The following CCDC171 variants were observed in gnomAD, a reference collection of about 807,000 sequenced individuals.
CCDC171 encodes the protein coiled-coil domain-containing protein 171.
A neutral mutation model predicts 168.2 loss-of-function variants in CCDC171; 177 were observed. That is an observed-to-expected ratio of 1.05 (90% confidence interval 0.93 to 1.19). The LOEUF is 1.19. CCDC171 is among the 50% of genes most tolerant of loss of function. CCDC171 has a pLI of 0.00. For missense variants in CCDC171, 1,991 were observed against 1,539.0 expected (o/e 1.29, Z -4.91); for synonymous variants, 687 against 540.8 (o/e 1.27, Z -3.75).
At chr9:15,599,867 A>G (rs978042919) in intron 6 of CCDC171, among the ~76,000 whole-genome samples, 4 of 151,940 alleles carry the variant, frequency 2.6e-5, no homozygotes, top group Non-Finnish European at 4.4e-5. Context: ...TTTTTTCTCT[A>G]AACTTCTCTT....
intron 4 of CCDC171, among the ~76,000 whole-genome samples, chr9:15,580,778 G>A (rs1195127390): frequency 6.6e-6 from 1 of 152,106 alleles, no homozygotes; most frequent in Non-Finnish European, 1.5e-5. Flanking sequence ...TACACTGCTG[G>A]TGGGAATGTA....
intron 8 of CCDC171, among the ~76,000 whole-genome samples, chr9:15,663,448 C>T (rs749994512): frequency 6.6e-6 from 1 of 152,064 alleles, no homozygotes. Context: ...TCCCATTCCT[C>T]TACCCTCCTG....
intron 3 of CCDC171, among the ~76,000 whole-genome samples, chr9:15,983,131 A>C (rs146189312): frequency 8.0e-4 from 121 of 152,108 alleles, no homozygotes; most frequent in Non-Finnish European, 1.2e-3. Context: ...TTATCCTCCT[A>C]CTTTTTTGAT....
chr9:15,988,989 T>G (rs1429028589), intron 3 of CCDC171, among the ~76,000 whole-genome samples: 2 of 152,098 alleles, frequency 1.3e-5, no homozygotes, highest in Non-Finnish European at 2.9e-5. Flanking sequence ...CTCTGTAGAC[T>G]CCACCTCTGG....
intron 25 of CCDC171, among the ~76,000 whole-genome samples, chr9:15,970,735 G>C (rs10810511): frequency 6.6e-6 from 1 of 152,008 alleles, no homozygotes; most frequent in South Asian, 2.1e-4. Context: ...TCAAATATAT[G>C]ACAAATTATT....
intron 4 of CCDC171, among the ~76,000 whole-genome samples, chr9:15,583,572 A>T (rs1263713112): frequency 6.6e-6 from 1 of 152,182 alleles, no homozygotes; most frequent in Non-Finnish European, 1.5e-5. Flanking sequence ...AGTGGGAGCT[A>T]AGCTATGAGT....
At chr9:15,919,619 A>G (rs1396166232) in intron 24 of CCDC171, among the ~76,000 whole-genome samples, 3 of 151,680 alleles carry the variant, frequency 2.0e-5, no homozygotes, top group Non-Finnish European at 4.4e-5. Context: ...TCTATAAAAT[A>G]TGATTAAACT....
chr9:15,998,881 C>A (rs73645212), intron 3 of CCDC171, among the ~76,000 whole-genome samples: 142 of 152,270 alleles, frequency 9.3e-4, no homozygotes, highest in African/African-American at 3.3e-3. Context: ...TCTATCAGAA[C>A]AGGAAAGATG....
intron 7 of CCDC171, among the ~76,000 whole-genome samples, chr9:15,629,912 T>A (rs13298631): frequency 1.1e-4 from 16 of 152,118 alleles, no homozygotes; most frequent in South Asian, 8.3e-4. Flanking sequence ...CCAGAATTTC[T>A]TATCCAGCCA....
intron 6 of CCDC171, among the ~76,000 whole-genome samples, chr9:15,599,076 C>T (rs1045798730): frequency 4.6e-5 from 7 of 152,078 alleles, no homozygotes; most frequent in Non-Finnish European, 7.3e-5. Flanking sequence ...GAATACAGCA[C>T]GCTGATGGGC....
At chr9:16,030,232 T>A (rs1833344020) in intron 6 of CCDC171, among the ~76,000 whole-genome samples, 1 of 152,130 alleles carries the variant, frequency 6.6e-6, no homozygotes, top group Admixed American at 6.5e-5. Flanking sequence ...GACTGGTAAT[T>A]TCAGTTACTC....
intron 10 of CCDC171, among the ~76,000 whole-genome samples, chr9:15,683,550 C>A (rs1223311362): frequency 6.6e-6 from 1 of 151,962 alleles, no homozygotes; most frequent in African/African-American, 2.4e-5. Context: ...ATATAAATAT[C>A]ACTTTCCGTT....
chr9:15,703,791 T>C (rs2051989292), intron 11 of CCDC171, among the ~76,000 whole-genome samples: 1 of 152,340 alleles, frequency 6.6e-6, no homozygotes, highest in South Asian at 2.1e-4. Context: ...TGCTGGATCA[T>C]ATGCTAGTTC....
At chr9:15,860,336 G>A (rs1170473869) in intron 23 of CCDC171, among the ~76,000 whole-genome samples, 1 of 150,408 alleles carries the variant, frequency 6.6e-6, no homozygotes, top group Non-Finnish European at 1.5e-5. Flanking sequence ...CTTCTCGTTC[G>A]TTGAGGTGCC....
chr9:15,750,565 C>T (rs2134812825), intron 18 of CCDC171, among the ~76,000 whole-genome samples: 1 of 152,238 alleles, frequency 6.6e-6, no homozygotes, highest in African/African-American at 2.4e-5. Flanking sequence ...CAAAAATCCT[C>T]AATAAAATAC....
At chr9:15,608,796 A>G (rs2043412534) in intron 6 of CCDC171, among the ~76,000 whole-genome samples, 1 of 151,148 alleles carries the variant, frequency 6.6e-6, no homozygotes, top group African/African-American at 2.4e-5. Context: ...AAAAAAAAAA[A>G]AAAGTATATA....
rs145275668 is a variant in CCDC171 at position 15,619,813 on chromosome 9, G to C, written c.676-3454G>C. 2.2e-4 allele frequency among the ~76,000 whole-genome samples: 34 copies of C among 152,258 alleles called. No individual in the cohort carries two copies. In the East Asian group the frequency reaches 5.6e-3, roughly 25 times the overall value. On this transcript the variant is annotated intron_variant, in intron 6 of 25. Coordinates refer to ENST00000380701, the MANE Select transcript of CCDC171 (RefSeq NM_173550.4). ...AGTGCCCAGCTTTAATGCTTCAGAG[G>C]ACAGGATGACTCTCTGGTTAGGGGC...
In CCDC171 at chr9:15,817,793, G is replaced by A. The variant is rs2059616151; in HGVS notation, c.3268-28909G>A. Among the ~76,000 whole-genome samples, 2 of 118,550 alleles carry A rather than the reference G, an allele frequency of 1.7e-5. 1 individual carries two copies. Among genetic ancestry groups the A allele is most frequent in the African/African-American group, 6.3e-5 (2 of 31,662 alleles). 77.8% of individuals were successfully genotyped at this position (118,550 alleles called of 152,430 possible). ...GCAGGGCACAGACAAACAAAAGGCA[G>A]CAATAACCTCTGCAGACTTAAATGT... is the stretch of plus-strand genomic sequence containing the variant. On this transcript the variant is annotated intron_variant, in intron 21 of 25. Coordinates refer to ENST00000380701, the MANE Select transcript of CCDC171 (RefSeq NM_173550.4).
chr9:15,846,112 G>C (rs1289353738), intron 21 of CCDC171, among the ~76,000 whole-genome samples: 1 of 152,070 alleles, frequency 6.6e-6, no homozygotes, highest in African/African-American at 2.4e-5. Flanking sequence ...TGCTATCCTT[G>C]ACGTGAGAGT....
Sources: gnomAD v4.1 joint callset for allele counts (sites outside exome capture counted in the v4.1 genomes callset) on GRCh38, gnomAD v4.1.1 for gene constraint, MANE v1.5 for transcripts, NCBI Gene and HGNC (gene_info 2026-07-23, HGNC 2026-07-21) for gene names.